The following ADAMTSL1 variants were observed in gnomAD, a reference collection of about 807,000 sequenced individuals.
ADAMTSL1 encodes ADAMTS like 1, also known as ADAMTS-like protein 1.
Under a neutral mutation model 201.8 loss-of-function variants are expected in ADAMTSL1, and 126 were observed. The ratio of observed to expected loss-of-function variants is 0.62; its 90% CI spans 0.54 to 0.72. ADAMTSL1 has a LOEUF of 0.72. ADAMTSL1 is among the 30% of genes least tolerant of loss of function. The pLI is 0.00. For missense variants in ADAMTSL1, 2,679 were observed against 2,277.8 expected, an observed-to-expected ratio of 1.18 and a Z score of -3.59; for synonymous variants, 1,121 against 903.4, an observed-to-expected ratio of 1.24 and a Z score of -4.32.
intron 13 of ADAMTSL1, among the ~76,000 whole-genome samples, chr9:18,685,404 A>T (rs534792637): frequency 2.0e-5 from 3 of 152,208 alleles, no homozygotes; most frequent in African/African-American, 7.2e-5. Flanking sequence ...GAGAGACAAA[A>T]GTAGATTAAG....
intron 1 of ADAMTSL1, among the ~76,000 whole-genome samples, chr9:17,989,583 A>G (rs1819067020): frequency 6.6e-6 from 1 of 152,062 alleles, no homozygotes; most frequent in Non-Finnish European, 1.5e-5. Context: ...GCACACTTTA[A>G]AGCCTTTTTT....
intron 2 of ADAMTSL1, among the ~76,000 whole-genome samples, chr9:18,345,461 G>GA (rs1835673140): frequency 6.6e-6 from 1 of 152,128 alleles, no homozygotes. Context: ...CTTCGAGAAT[G>GA]ATGTTAACAT....
At chr9:18,815,889 A>G (rs1823817480) in intron 20 of ADAMTSL1, among the ~76,000 whole-genome samples, 1 of 152,138 alleles carries the variant, frequency 6.6e-6, no homozygotes, top group Non-Finnish European at 1.5e-5. Flanking sequence ...ATAATTGTAC[A>G]TATTTATGGG....
chr9:17,987,653 G>A (rs1419807783), intron 1 of ADAMTSL1, among the ~76,000 whole-genome samples: 2 of 152,068 alleles, frequency 1.3e-5, no homozygotes, highest in East Asian at 3.9e-4. Context: ...ACTTGGTAAT[G>A]AAATAATTGA....
chr9:18,388,756 T>A (rs1837914644), intron 2 of ADAMTSL1, among the ~76,000 whole-genome samples: 1 of 151,416 alleles, frequency 6.6e-6, no homozygotes, highest in Non-Finnish European at 1.5e-5. Flanking sequence ...TAGCACTGAA[T>A]TTTTTTTTCT....
chr9:18,626,671 T>A (rs1826374521), intron 5 of ADAMTSL1, among the ~76,000 whole-genome samples: 1 of 152,186 alleles, frequency 6.6e-6, no homozygotes, highest in Non-Finnish European at 1.5e-5. Context: ...AGATTTCTGC[T>A]ATACTGAGAA....
At chr9:18,861,586 G>C (rs956865835) in intron 23 of ADAMTSL1, among the ~76,000 whole-genome samples, 2 of 152,224 alleles carry the variant, frequency 1.3e-5, no homozygotes, top group East Asian at 1.9e-4. Flanking sequence ...TAGGTTGCAA[G>C]ACAAATAGCA....
At chr9:18,535,101 A>G (rs112689451) in intron 3 of ADAMTSL1, among the ~76,000 whole-genome samples, 94 of 152,288 alleles carry the variant, frequency 6.2e-4, no homozygotes, top group Non-Finnish European at 1.1e-3. Flanking sequence ...CTATTTCATC[A>G]TCAGGCTGCA....
chr9:18,120,461 A>T (rs955808626), intron 1 of ADAMTSL1, among the ~76,000 whole-genome samples: 3 of 152,128 alleles, frequency 2.0e-5, no homozygotes, highest in Non-Finnish European at 4.4e-5. Flanking sequence ...GTTGGGGGGG[A>T]CCCTGGAGGC....
chr9:17,968,941 C>CCAGAAGAT (rs1818089310), intron 1 of ADAMTSL1, among the ~76,000 whole-genome samples: 1 of 151,944 alleles, frequency 6.6e-6, no homozygotes. Context: ...TTGCATCGAC[C>CCAGAAGAT]CAGAAGATAT....
intron 26 of ADAMTSL1, among the ~76,000 whole-genome samples, chr9:18,902,136 G>C (rs947139175): frequency 6.6e-6 from 1 of 152,150 alleles, no homozygotes; most frequent in Admixed American, 6.5e-5. Flanking sequence ...TGACAGAATT[G>C]ATGGGAGAAA....
intron 2 of ADAMTSL1, among the ~76,000 whole-genome samples, chr9:18,252,186 A>G (rs2132494721): frequency 6.6e-6 from 1 of 152,262 alleles, no homozygotes; most frequent in African/African-American, 2.4e-5. Context: ...AAGGGTTAGT[A>G]TCCCTAATAT....
chr9:18,547,633 T>TAAAAAAAAAAAAAAA (rs56789652), intron 3 of ADAMTSL1, among the ~76,000 whole-genome samples: 6 of 86,266 alleles, frequency 7.0e-5, no homozygotes, highest in African/African-American at 2.1e-4. Flanking sequence ...TATATATATA[T>TAAAAAAAAAAAAAAA]AAAAAAAAAA....
intron 2 of ADAMTSL1, among the ~76,000 whole-genome samples, chr9:18,197,702 A>G (rs1298967529): frequency 6.6e-6 from 1 of 151,142 alleles, no homozygotes; most frequent in African/African-American, 2.4e-5. Flanking sequence ...CCTGGCCAGA[A>G]CTTCCAACAC....
intron 1 of ADAMTSL1, among the ~76,000 whole-genome samples, chr9:18,061,850 G>A (rs1586966589): frequency 6.6e-6 from 1 of 152,196 alleles, no homozygotes; most frequent in Non-Finnish European, 1.5e-5. Flanking sequence ...AAAATCTCCC[G>A]TGATAGAAAT....
intron 26 of ADAMTSL1, among the ~76,000 whole-genome samples, chr9:18,900,563 G>A (rs941570884): frequency 1.3e-5 from 2 of 152,170 alleles, no homozygotes; most frequent in African/African-American, 2.4e-5. Flanking sequence ...TAAAGGAAAT[G>A]TGGTACATAA....
intron 2 of ADAMTSL1, among the ~76,000 whole-genome samples, chr9:18,505,790 A>G (rs935554777): frequency 2.6e-5 from 4 of 152,376 alleles, no homozygotes; most frequent in Middle Eastern, 3.4e-3. Context: ...AACGGGAAAC[A>G]GAAAAAGAAT....
intron 2 of ADAMTSL1, among the ~76,000 whole-genome samples, chr9:18,352,841 CA>C (rs775067606): frequency 6.6e-6 from 1 of 152,214 alleles, no homozygotes; most frequent in African/African-American, 2.4e-5. Context: ...TGGCAAGATG[CA>C]AAGTCTGTTA....
chr9:18,663,689 TC>T (rs1394046708), intron 9 of ADAMTSL1, among the ~76,000 whole-genome samples: 1 of 151,708 alleles, frequency 6.6e-6, no homozygotes, highest in Non-Finnish European at 1.5e-5. Flanking sequence ...CAATTTCACT[TC>T]CCACAACTTC....
Sources: gnomAD v4.1 joint callset for allele counts (sites outside exome capture counted in the v4.1 genomes callset) on GRCh38, gnomAD v4.1.1 for gene constraint, MANE v1.5 for transcripts, NCBI Gene and HGNC (gene_info 2026-07-23, HGNC 2026-07-21) for gene names.